Variants in TEX11 observed in about 807,000 individuals in gnomAD.
TEX11 encodes the protein testis-expressed protein 11.
Under a neutral mutation model 84.4 loss-of-function variants are expected in TEX11, and 7 were observed. That is an observed-to-expected ratio of 0.08 (90% confidence interval 0.05 to 0.16). The LOEUF (loss-of-function observed/expected upper bound fraction) is 0.16, where lower values mean the gene tolerates loss of function less well. Ranked by LOEUF, TEX11 falls within the 10% of genes least tolerant of loss-of-function variation. The pLI is 1.00. For missense variants in TEX11, 551 were observed against 660.5 expected, an observed-to-expected ratio of 0.83 and a Z score of 1.82; for synonymous variants, 264 against 222.8, an observed-to-expected ratio of 1.18 and a Z score of -1.64.
chrX:70,709,008 ATTT>A (rs2090402729), intron 13 of TEX11, among the ~76,000 whole-genome samples: 1 of 111,051 alleles, frequency 9.0e-6, no homozygotes, highest in Non-Finnish European at 1.9e-5. Flanking sequence ...AAACTTATCT[ATTT>A]CAACAAAACT....
At chrX:70,693,703 C>T (rs1232182502) in intron 13 of TEX11, among the ~76,000 whole-genome samples, 2 of 111,552 alleles carry the variant, frequency 1.8e-5, no homozygotes, top group Non-Finnish European at 3.8e-5. Context: ...ACCTAATGTA[C>T]AGCATGGTGA....
At chrX:70,702,735 T>C (rs1380221723) in intron 13 of TEX11, among the ~76,000 whole-genome samples, 1 of 111,781 alleles carries the variant, frequency 8.9e-6, no homozygotes, top group East Asian at 2.8e-4. Flanking sequence ...CAACCATTAA[T>C]CTGTCGTCCA....
At chrX:70,546,881 C>A (rs1439437666) in intron 28 of TEX11, among the ~76,000 whole-genome samples, 1 of 109,770 alleles carries the variant, frequency 9.1e-6, no homozygotes, top group Non-Finnish European at 1.9e-5. Context: ...GAGAATTAAA[C>A]ACATATGCTC....
chrX:70,678,091 C>G (rs765486205), intron 15 of TEX11, among the ~76,000 whole-genome samples: 1 of 111,187 alleles, frequency 9.0e-6, no homozygotes, highest in Non-Finnish European at 1.9e-5. Flanking sequence ...GGATTACAGG[C>G]GTGAGCCACC....
intron 24 of TEX11, among the ~76,000 whole-genome samples, chrX:70,598,834 G>A (rs2089046398): frequency 1.8e-5 from 2 of 112,033 alleles, no homozygotes; most frequent in South Asian, 7.4e-4. Context: ...ACATTTATAC[G>A]AAATATCTGG....
At chrX:70,562,928 C>T (rs905913270) in intron 25 of TEX11, among the ~76,000 whole-genome samples, 3 of 112,098 alleles carry the variant, frequency 2.7e-5, no homozygotes, top group African/African-American at 9.7e-5. Context: ...CCTTTTGGAT[C>T]TGTCTTTTTT....
At position 70,719,747 on chromosome X, in the gene TEX11, C is replaced by A. The variant is rs1226266564; in HGVS notation, c.1004+2871G>T. 3.7e-4 allele frequency among the ~76,000 whole-genome samples: 42 copies of A among 112,189 alleles called. No individual in the cohort carries two copies. In the Admixed American group the frequency reaches 4.0e-3, roughly 11 times the overall value. Reference sequence around the variant, plus strand: ...CACTTCTCAAAAGAAGACATTTATGCAGCCAAAAGATACGTGAAAAAATGC... The same window carrying A: ...CACTTCTCAAAAGAAGACATTTATGAAGCCAAAAGATACGTGAAAAAATGC... On this transcript the variant is annotated intron_variant, in intron 13 of 29. Transcript: ENST00000374333.
In TEX11 at chrX:70,641,286, C is replaced by T. The variant is rs192479929; in HGVS notation, c.1483+10164G>A. Among the ~76,000 whole-genome samples the T allele has an allele frequency of 4.5e-5, 5 of 111,345 alleles. No homozygotes were observed. The East Asian group carries it at 1.4e-3, about 31-fold the overall frequency. On this transcript the variant is annotated intron_variant, in intron 17 of 29. Coordinates refer to ENST00000374333, the MANE Select transcript of TEX11 (RefSeq NM_031276.3). ...CATAAAGCAAGTCCTGAGTGACCTA[C>T]AAAGAGACTTAGATTCCCACACATT...
At chrX:70,809,185 T>A (rs969064591) in intron 8 of TEX11, among the ~76,000 whole-genome samples, 25 of 112,097 alleles carry the variant, frequency 2.2e-4, no homozygotes, top group African/African-American at 8.1e-4. Context: ...ATAAAATAAC[T>A]AATACATTCT....
intron 5 of TEX11, among the ~76,000 whole-genome samples, chrX:70,860,104 T>A: frequency 8.9e-6 from 1 of 112,077 alleles, no homozygotes; most frequent in East Asian, 2.8e-4. Flanking sequence ...TCAAACTGAC[T>A]GTCCCACTCT....
intron 15 of TEX11, among the ~76,000 whole-genome samples, chrX:70,678,091 C>T (rs765486205): frequency 9.0e-6 from 1 of 111,187 alleles, no homozygotes; most frequent in African/African-American, 3.3e-5. Flanking sequence ...GGATTACAGG[C>T]GTGAGCCACC....
intron 28 of TEX11, among the ~76,000 whole-genome samples, chrX:70,536,716 A>G (rs1003242185): frequency 2.7e-5 from 3 of 112,350 alleles, no homozygotes. Flanking sequence ...TTTTAAAATT[A>G]ATATCATTTT....
chrX:70,646,142 A>G (rs2089739089), intron 17 of TEX11, among the ~76,000 whole-genome samples: 1 of 112,279 alleles, frequency 8.9e-6, no homozygotes, highest in Admixed American at 9.5e-5. Context: ...TTGGTTTTCA[A>G]TAAAGGTGTC....
intron 25 of TEX11, among the ~76,000 whole-genome samples, chrX:70,568,969 G>C (rs1187666803): frequency 1.8e-5 from 2 of 111,690 alleles, no homozygotes; most frequent in African/African-American, 3.3e-5. Flanking sequence ...TTAGATTGGG[G>C]AAGTTCTCCT....
At position 70,839,218 on chromosome X, in the gene TEX11, T is replaced by C. The variant is rs1037822587; in HGVS notation, c.526-5625A>G. ...CTCAAGTGGGTCCCTGACCCCCAAG[T>C]AGCCTAACTGGGAGGCACCCCCAGG... is the stretch of plus-strand genomic sequence containing the variant. On this transcript the variant is annotated intron_variant, in intron 7 of 29. Transcript: ENST00000374333. Among the ~76,000 whole-genome samples, 83 of 85,300 alleles carry C rather than the reference T, an allele frequency of 9.7e-4. 1 individual carries two copies. Among genetic ancestry groups the C allele is most frequent in the African/African-American group, 3.6e-3 (79 of 22,051 alleles). The allele number at this position is 85,300 out of a possible 115,157, so 74.1% of individuals were successfully genotyped here. A position where few individuals can be genotyped will look rare whatever the true frequency, so the allele number is the denominator to read the frequency against.
At chrX:70,582,700 A>AC (rs2088792603) in intron 25 of TEX11, among the ~76,000 whole-genome samples, 1 of 108,581 alleles carries the variant, frequency 9.2e-6, no homozygotes, top group Non-Finnish European at 1.9e-5. Flanking sequence ...CCTATGTTAG[A>AC]ATTGTGTTAC....
At chrX:70,700,107 T>A (rs1335239119) in intron 13 of TEX11, among the ~76,000 whole-genome samples, 3 of 50,116 alleles carry the variant, frequency 6.0e-5, no homozygotes, top group Admixed American at 1.7e-4. Context: ...AGTTACTAGT[T>A]TTTTGTTTGT....
chrX:70,693,580 T>C (rs1258514257), intron 13 of TEX11, among the ~76,000 whole-genome samples: 2 of 111,068 alleles, frequency 1.8e-5, no homozygotes, highest in Non-Finnish European at 3.8e-5. Flanking sequence ...TGAAACAAGG[T>C]AGAATGGTGG....
At chrX:70,688,548 CA>C (rs1327036484) in intron 13 of TEX11, among the ~76,000 whole-genome samples, 2 of 109,320 alleles carry the variant, frequency 1.8e-5, no homozygotes, top group East Asian at 2.8e-4. Context: ...GGCACAAAAG[CA>C]AAAAGAAGAG....
Sources: gnomAD v4.1 joint callset for allele counts (sites outside exome capture counted in the v4.1 genomes callset) on GRCh38, gnomAD v4.1.1 for gene constraint, MANE v1.5 for transcripts, NCBI Gene and HGNC (gene_info 2026-07-23, HGNC 2026-07-21) for gene names.